The following RFC3 variants were observed in gnomAD, a reference collection of about 807,000 sequenced individuals.
RFC3 encodes replication factor C subunit 3.
Under a neutral mutation model 45.1 loss-of-function variants are expected in RFC3, and 41 were observed. That is an observed-to-expected ratio of 0.91 (90% CI 0.71 to 1.18). The LOEUF (loss-of-function observed/expected upper bound fraction) is 1.18. Among genes scored for constraint, RFC3 ranks in the 50% most tolerant of loss-of-function variants. RFC3 has a pLI of 0.00. For synonymous variants in RFC3, 149 were observed against 144.0 expected (o/e 1.03, Z -0.25); for missense variants, 423 against 428.1 (o/e 0.99, Z 0.10).
chr13:33,887,702 C>A (rs1237361416), intron 8 of RFC3, among the ~76,000 whole-genome samples: 1 of 152,026 alleles, frequency 6.6e-6, no homozygotes, highest in Non-Finnish European at 1.5e-5. Context: ...AAGTCCTTGC[C>A]CATGCCTATG....
chr13:33,841,325 T>C (rs577040739), downstream of RFC3, among the ~76,000 whole-genome samples: 9 of 152,314 alleles, frequency 5.9e-5, no homozygotes, highest in South Asian at 1.9e-3. Flanking sequence ...TTACAGTACA[T>C]ACTATGCTGC....
chr13:33,905,531 C>T lies in RFC3; in HGVS notation c.880-60556C>T, dbSNP rs116734467. 2.8e-3 allele frequency among the ~76,000 whole-genome samples: 432 copies of T among 152,028 alleles called. 2 individuals carry two copies. The highest frequency in any genetic ancestry group is 9.5e-3 in the African/African-American group (393 of 41,506). ...TCTAAATGGCAAGAAAATAATTCAT[C>T]TATGAGTTTATAACAATATCTACAT... On this transcript the variant is annotated intron_variant, in intron 8 of 8. Transcript: ENST00000434425.
At chr13:33,882,149 C>T (rs941893163) in intron 8 of RFC3, among the ~76,000 whole-genome samples, 1 of 152,162 alleles carries the variant, frequency 6.6e-6, no homozygotes, top group Non-Finnish European at 1.5e-5. Flanking sequence ...TTCTCAGCTT[C>T]CCCTGATGTT....
intron 8 of RFC3, among the ~76,000 whole-genome samples, chr13:33,901,273 A>C (rs976449965): frequency 2.8e-4 from 43 of 152,128 alleles, no homozygotes; most frequent in Admixed American, 2.8e-3. Flanking sequence ...TACAATAACC[A>C]AAAATGGAAT....
At chr13:33,839,881 TCAAAATA>T (rs1185737277), downstream of RFC3, among the ~76,000 whole-genome samples, 1 of 152,246 alleles carries the variant, frequency 6.6e-6, no homozygotes, top group African/African-American at 2.4e-5. Flanking sequence ...ACAGATGGTT[TCAAAATA>T]CAAAATACAG....
At chr13:33,863,299 A>G (rs1288928069) in intron 8 of RFC3, among the ~76,000 whole-genome samples, 1 of 151,936 alleles carries the variant, frequency 6.6e-6, no homozygotes, top group African/African-American at 2.4e-5. Context: ...TGTTTTCATT[A>G]TTTCTGTCTC....
chr13:33,957,704 C>T (rs111283630), intron 8 of RFC3, among the ~76,000 whole-genome samples: 63 of 152,188 alleles, frequency 4.1e-4, no homozygotes, highest in African/African-American at 1.3e-3. Flanking sequence ...TTAGCACAAG[C>T]GCAAGCCCAC....
Position 33,830,388 on chromosome 13 carries a change from A to G in RFC3, c.574-331A>G, listed in dbSNP as rs142722936. Among the ~76,000 whole-genome samples the G allele has an allele frequency of 2.6e-5, 4 of 152,358 alleles. No homozygotes were observed. The East Asian group carries it at 7.7e-4, about 29-fold the overall frequency. On this transcript the variant is annotated intron_variant, in intron 5 of 8. Coordinates refer to ENST00000380071, the MANE Select transcript of RFC3 (RefSeq NM_002915.4). The stretch of plus-strand genomic sequence containing the variant: ...ATGTGGGAATACCTAGTCCCTAGGA[A>G]GGGAATTAAAGTTAGTATGAAATAA...
chr13:33,889,729 A>C (rs2082551900), intron 8 of RFC3, among the ~76,000 whole-genome samples: 1 of 152,206 alleles, frequency 6.6e-6, no homozygotes, highest in Non-Finnish European at 1.5e-5. Context: ...TCCAATCCCC[A>C]GCCTCTGGTA....
At chr13:33,927,445 T>A (rs1308337592) in intron 8 of RFC3, among the ~76,000 whole-genome samples, 1 of 152,116 alleles carries the variant, frequency 6.6e-6, no homozygotes, top group East Asian at 1.9e-4. Context: ...AGGTAAAACT[T>A]GTCATCTTAA....
chr13:33,896,753 A>G (rs1217964046), intron 8 of RFC3, among the ~76,000 whole-genome samples: 2 of 149,536 alleles, frequency 1.3e-5, no homozygotes, highest in Non-Finnish European at 3.0e-5. Flanking sequence ...AGCAAGTAAC[A>G]TATAAAGAGG....
chr13:33,908,973 C>T lies in RFC3; in HGVS notation c.880-57114C>T, dbSNP rs567265848. 2.6e-5 allele frequency among the ~76,000 whole-genome samples: 4 copies of T among 152,170 alleles called. No individual in the cohort carries two copies. In the South Asian group the frequency reaches 8.3e-4, roughly 32 times the overall value. On this transcript the variant is annotated intron_variant, in intron 8 of 8. Transcript: ENST00000434425. Reference sequence around the variant, plus strand: ...CAGGTCTTCAACTAATTGAGGCCCACCACAGTGGGGAAAGCCATCAGCTTT... The same window carrying T: ...CAGGTCTTCAACTAATTGAGGCCCATCACAGTGGGGAAAGCCATCAGCTTT...
At chr13:33,859,814 A>T (rs984608338) in intron 8 of RFC3, among the ~76,000 whole-genome samples, 1 of 152,074 alleles carries the variant, frequency 6.6e-6, no homozygotes, top group Admixed American at 6.6e-5. Flanking sequence ...TGGATAAATG[A>T]CTCACTTCTG....
chr13:33,943,653 T>C (rs2082937993), intron 8 of RFC3, among the ~76,000 whole-genome samples: 1 of 152,174 alleles, frequency 6.6e-6, no homozygotes, highest in South Asian at 2.1e-4. Context: ...TGGATGGGGC[T>C]GAAATTCCAT....
At chr13:33,972,572 C>G in the RFC3 span, among the ~76,000 whole-genome samples, 1 of 152,020 alleles carries the variant, frequency 6.6e-6, no homozygotes, top group African/African-American at 2.4e-5. Context: ...TTGGGTCTAC[C>G]AGATGTTTGC....
chr13:33,872,205 T>C (rs374104686), intron 8 of RFC3, among the ~76,000 whole-genome samples: 15 of 152,244 alleles, frequency 9.9e-5, no homozygotes, highest in African/African-American at 3.1e-4. Flanking sequence ...AGTGGCTGAA[T>C]TGGAAAGGGA....
intron 8 of RFC3, among the ~76,000 whole-genome samples, chr13:33,887,035 T>C (rs1443508200): frequency 1.4e-5 from 2 of 147,770 alleles, no homozygotes; most frequent in Non-Finnish European, 3.0e-5. Flanking sequence ...AGTCTATCAT[T>C]GTTGGACATT....
chr13:33,969,747 G>A (rs547726890), downstream of RFC3, among the ~76,000 whole-genome samples: 28 of 152,124 alleles, frequency 1.8e-4, 1 homozygote, highest in South Asian at 4.2e-3. Context: ...AACTTCTTCA[G>A]CCCCCAGTTT....
In RFC3 at chr13:33,895,735, G is replaced by A. The variant is rs538616692; in HGVS notation, c.879+60518G>A. Among the ~76,000 whole-genome samples the A allele has an allele frequency of 2.6e-5, 4 of 152,254 alleles. No homozygotes were observed. The South Asian group carries it at 8.3e-4, about 32-fold the overall frequency. ...GTTTACTTCAGCACAATTCATAATT[G>A]CAAAGACATGGAACCAACCTAAGTG... On this transcript the variant is annotated intron_variant, in intron 8 of 8. Transcript: ENST00000434425.
Sources: gnomAD v4.1 joint callset for allele counts (sites outside exome capture counted in the v4.1 genomes callset) on GRCh38, gnomAD v4.1.1 for gene constraint, MANE v1.5 for transcripts, NCBI Gene and HGNC (gene_info 2026-07-23, HGNC 2026-07-21) for gene names.